The following ZNF627 variants were observed in gnomAD, a reference collection of about 807,000 sequenced individuals.
ZNF627 encodes zinc finger protein 627.
A neutral mutation model predicts 10.6 loss-of-function variants in ZNF627; 12 were observed. That is an observed-to-expected ratio of 1.13 (90% CI 0.73 to 1.84). The LOEUF is 1.84. Ranked by LOEUF, ZNF627 falls within the 40% of genes most tolerant of loss-of-function variation. The probability of loss-of-function intolerance (pLI) is 0.00; values close to 1 mark genes in which losing one functional copy is unlikely to be tolerated. For missense variants in ZNF627, 504 were observed against 568.4 expected, an observed-to-expected ratio of 0.89 and a Z score of 1.15; for synonymous variants, 176 against 187.1, an observed-to-expected ratio of 0.94 and a Z score of 0.48.
chr19:11,612,740 T>G (rs1940538546), intron 1 of ZNF627, among the ~76,000 whole-genome samples: 1 of 151,976 alleles, frequency 6.6e-6, no homozygotes, highest in African/African-American at 2.4e-5. Flanking sequence ...TTTTTTCACA[T>G]GTAGGTATCC....
At chr19:11,598,850 T>A (rs1973537299) in intron 1 of ZNF627, among the ~76,000 whole-genome samples, 2 of 152,166 alleles carry the variant, frequency 1.3e-5, no homozygotes, top group Non-Finnish European at 1.5e-5. Context: ...GTGCCTCTTC[T>A]CCTTTTCTCT....
intron 1 of ZNF627, among the ~76,000 whole-genome samples, chr19:11,608,214 A>G (rs1228442382): frequency 1.3e-5 from 2 of 152,126 alleles, no homozygotes; most frequent in African/African-American, 2.4e-5. Flanking sequence ...AAATGCCCCC[A>G]TGATTAAATT....
At chr19:11,608,010 A>G (rs1181026963) in intron 1 of ZNF627, among the ~76,000 whole-genome samples, 1 of 152,216 alleles carries the variant, frequency 6.6e-6, no homozygotes. Flanking sequence ...TTTATAAAGG[A>G]AAGAGGTTTA....
intron 1 of ZNF627, among the ~76,000 whole-genome samples, chr19:11,604,671 A>G: frequency 6.6e-6 from 1 of 152,190 alleles, no homozygotes; most frequent in East Asian, 1.9e-4. Context: ...CCAGGGTCTC[A>G]AGTTTACAGC....
chr19:11,616,525 A>T (rs558751982), intron 3 of ZNF627, among the ~76,000 whole-genome samples, 170 bp from the exon 4 acceptor site: 1 of 152,184 alleles, frequency 6.6e-6, no homozygotes, highest in Non-Finnish European at 1.5e-5. Flanking sequence ...TGGGAGGCAG[A>T]GGTGAGAGGA....
rs759312726 is a variant in ZNF627 at position 11,616,797 on chromosome 19, A to G, written c.294A>G (p.Val98=). Residue 98 remains valine (V), a synonymous_variant, in exon 4 of 4, where the codon GTA becomes GTG. Transcript: ENST00000361113. ...DGILNKKTPG[V]KPCESSVCGE... ...TTCTGAACAAGAAAACTCCTGGAGT[A>G]AAACCGTGTGAAAGCAGTGTGTGTG... 3 of 1,614,092 alleles carry G rather than the reference A, an allele frequency of 1.9e-6. No homozygotes were observed. In the Admixed American group the frequency reaches 5.0e-5, roughly 27 times the overall value.
chr19:11,611,238 G>C (rs1469282698), intron 1 of ZNF627, among the ~76,000 whole-genome samples: 1 of 152,066 alleles, frequency 6.6e-6, no homozygotes, highest in Non-Finnish European at 1.5e-5. Context: ...ATATGTTCTT[G>C]ATACTAACAC....
rs1973879429 is a variant in ZNF627, at chr19:11,616,961, C to T, written c.458C>T (p.Ser153Phe). Reference sequence around the variant, plus strand: ...GGACGAGCCTTGAGTTATCATCGCTCTTTTCCAGTACGTGAAAGGACTCAT... The same window carrying T: ...GGACGAGCCTTGAGTTATCATCGCTTTTTTCCAGTACGTGAAAGGACTCAT... ...QCGRALSYHR[S>F]FPVRERTHPG... Residue 153 changes from serine to phenylalanine, a missense_variant, in exon 4 of 4, where the codon TCT becomes TTT. Ser to Phe is a radical substitution (Grantham distance 155, BLOSUM62 -2). Transcript: ENST00000361113. 6.2e-7 allele frequency: 1 copy of T among 1,614,182 alleles called. No individual in the cohort carries two copies. The highest frequency in any genetic ancestry group is 8.5e-7 in the Non-Finnish European group (1 of 1,180,038).
chr19:11,598,174 G>A (rs1300851704), intron 1 of ZNF627, among the ~76,000 whole-genome samples: 3 of 152,174 alleles, frequency 2.0e-5, no homozygotes, highest in South Asian at 4.1e-4. Flanking sequence ...GTAGTCAGAG[G>A]TGGATTGGTG....
At chr19:11,613,509 A>T (rs949940311) in intron 1 of ZNF627, among the ~76,000 whole-genome samples, 37 of 52,340 alleles carry the variant, frequency 7.1e-4, no homozygotes, top group Non-Finnish European at 4.6e-4. Flanking sequence ...TTTTTTTTTA[A>T]AAAACAGCTA....
intron 1 of ZNF627, among the ~76,000 whole-genome samples, chr19:11,606,201 G>A (rs964785470): frequency 2.0e-5 from 3 of 151,982 alleles, no homozygotes; most frequent in Non-Finnish European, 4.4e-5. Context: ...ATTAGGCATG[G>A]TGGCACGCGC....
intron 1 of ZNF627, among the ~76,000 whole-genome samples, chr19:11,606,165 C>A (rs1378274722): frequency 6.6e-6 from 1 of 151,956 alleles, no homozygotes; most frequent in Non-Finnish European, 1.5e-5. Context: ...CATGGTGAAA[C>A]CCTGTCTGTA....
At chr19:11,609,515 A>ATATATG (rs1568441777) in intron 1 of ZNF627, among the ~76,000 whole-genome samples, 16 of 92,964 alleles carry the variant, frequency 1.7e-4, no homozygotes, top group African/African-American at 3.8e-4. Context: ...ATATATATAT[A>ATATATG]TATGTATTTT....
chr19:11,617,886 A>G lies in ZNF627; in HGVS notation c.1383A>G (p.Ser461=). The G allele has an allele frequency of 6.5e-7, 1 of 1,530,636 alleles. No individual in the cohort carries two copies. Among genetic ancestry groups the G allele is most frequent in the Non-Finnish European group, 8.7e-7 (1 of 1,149,312 alleles). 94.8% of individuals were successfully genotyped at this position (1,530,636 alleles called of 1,614,324 possible). The change falls in exon 4 of 4, where the codon TCA becomes TCG. Residue 461 remains serine (S), a synonymous_variant. Coordinates refer to ENST00000361113, the MANE Select transcript of ZNF627 (RefSeq NM_145295.4). ...ACGCTTCAGTTGTCCCAGTTCTTTCATGAGCATGAAAGGAGTCACATAGAG... is the reference window on the plus strand; with the variant it reads ...ACGCTTCAGTTGTCCCAGTTCTTTCGTGAGCATGAAAGGAGTCACATAGAG... ...NPNASVVPVL[S]
intron 1 of ZNF627, among the ~76,000 whole-genome samples, chr19:11,600,168 C>G: frequency 1.3e-5 from 2 of 152,172 alleles, no homozygotes; most frequent in Non-Finnish European, 2.9e-5. Context: ...TGGCTGGGCG[C>G]GATGGCTCAC....
chr19:11,609,706 G>C (rs1203269569), intron 1 of ZNF627, among the ~76,000 whole-genome samples: 1 of 151,660 alleles, frequency 6.6e-6, no homozygotes, highest in Non-Finnish European at 1.5e-5. Flanking sequence ...TTTTAGTAGA[G>C]ACGGGGTTTC....
At chr19:11,616,479 C>T (rs1181443207) in intron 3 of ZNF627, among the ~76,000 whole-genome samples, 1 of 152,064 alleles carries the variant, frequency 6.6e-6, no homozygotes, top group African/African-American at 2.4e-5. Flanking sequence ...AATCCAAGGC[C>T]AGGCATGGTG....
chr19:11,616,739 G>A lies in ZNF627; in HGVS notation c.236G>A (p.Gly79Asp). Residue 79 changes from glycine (G) to aspartate (D), a missense_variant, in exon 4 of 4, where the codon GGT (glycine) becomes GAT (aspartate). By Grantham distance (94) the Gly-to-Asp change is moderately conservative. Transcript: ENST00000361113. Reference sequence around the variant, plus strand: ...TGTGAAAGTAAAGAAGGTGGTCAAGGTGAAGAAACCTTCAGCCAGATTCCA... The same window carrying A: ...TGTGAAAGTAAAGAAGGTGGTCAAGATGAAGAAACCTTCAGCCAGATTCCA... ...RLCESKEGGQ[G>D]EETFSQIPDG... 2 of 1,609,184 alleles carry A rather than the reference G, an allele frequency of 1.2e-6. No homozygotes were observed. Among genetic ancestry groups the A allele is most frequent in the African/African-American group, 1.3e-5 (1 of 74,870 alleles).
At chr19:11,601,167 C>T (rs1479208477) in intron 1 of ZNF627, among the ~76,000 whole-genome samples, 2 of 152,088 alleles carry the variant, frequency 1.3e-5, no homozygotes, top group Non-Finnish European at 2.9e-5. Flanking sequence ...TTGGGTGGAG[C>T]CCTTTATAGT....
Sources: allele counts gnomAD v4.1 joint callset (sites outside exome capture counted in the v4.1 genomes callset), GRCh38; gene constraint gnomAD v4.1.1; transcripts MANE v1.5; gene names NCBI Gene and HGNC (gene_info 2026-07-23, HGNC 2026-07-21).